DPYSL2: variants seen among roughly 807,000 people sequenced by gnomAD.
DPYSL2 encodes the protein dihydropyrimidinase like 2, also known as dihydropyrimidinase-related protein 2.
Under a neutral mutation model 69.9 loss-of-function variants are expected in DPYSL2, and 13 were observed. That is an observed-to-expected ratio of 0.19 (90% CI 0.12 to 0.30). DPYSL2 has a LOEUF of 0.30. Among genes scored for constraint, DPYSL2 ranks in the 10% least tolerant of loss-of-function variants. The probability of loss-of-function intolerance (pLI) is 1.00; values close to 1 mark genes in which losing one functional copy is unlikely to be tolerated. For synonymous variants in DPYSL2, 326 were observed against 359.1 expected, an observed-to-expected ratio of 0.91 and a Z score of 1.04; for missense variants, 587 against 918.9, an observed-to-expected ratio of 0.64 and a Z score of 4.67.
intron 3 of DPYSL2, among the ~76,000 whole-genome samples, chr8:26,592,595 C>T (rs138100271): frequency 1.6e-4 from 24 of 152,006 alleles, no homozygotes; most frequent in African/African-American, 5.8e-4. Context: ...CCTGTCTCAG[C>T]CTCTCAAGTA....
At position 26,517,758 on chromosome 8, in the gene DPYSL2, A is replaced by G. The variant is rs1208854189; in HGVS notation, c.354+3079A>G. On this transcript the variant is annotated intron_variant, in intron 1 of 13. Coordinates refer to ENST00000521913, the MANE Select transcript of DPYSL2 (RefSeq NM_001197293.3). This position sits in a 1 kb window ranked among gnomAD's most constrained non-coding sequence, Gnocchi z 4.2. Reference sequence around the variant, plus strand: ...ATGCAGGCTGGAGTGACAGGGAGTGATTCTCCTCCTCTCCAGGGCAGGTGC... The same window carrying G: ...ATGCAGGCTGGAGTGACAGGGAGTGGTTCTCCTCCTCTCCAGGGCAGGTGC... Among the ~76,000 whole-genome samples, 2 of 152,168 alleles carry G rather than the reference A, an allele frequency of 1.3e-5. No individual in the cohort carries two copies. Among genetic ancestry groups the G allele is most frequent in the African/African-American group, 2.4e-5 (1 of 41,440 alleles).
In DPYSL2 at chr8:26,619,221, A is replaced by G. The variant is rs952380098; in HGVS notation, c.629-4922A>G. 1.3e-5 allele frequency among the ~76,000 whole-genome samples: 2 copies of G among 152,144 alleles called. No homozygotes were observed. Among genetic ancestry groups the G allele is most frequent in the Non-Finnish European group, 2.9e-5 (2 of 68,022 alleles). ...TCAGTGGGGACTCTACTCCCTCCGGAAGTGAGTATGACATTCTGCCCTATT... is the reference window on the plus strand; with the variant it reads ...TCAGTGGGGACTCTACTCCCTCCGGGAGTGAGTATGACATTCTGCCCTATT... On this transcript the variant is annotated intron_variant, in intron 3 of 13. Transcript: ENST00000521913. The surrounding 1 kb of genome is among the most constrained non-coding windows in gnomAD (Gnocchi z 4.8).
chr8:26,572,533 C>G (rs1801254880), intron 1 of DPYSL2, among the ~76,000 whole-genome samples: 1 of 152,050 alleles, frequency 6.6e-6, no homozygotes, highest in African/African-American at 2.4e-5. Context: ...GGAATCTCGC[C>G]CTTTCACCCA....
chr8:26,603,182 AT>A (rs960177614), intron 3 of DPYSL2, among the ~76,000 whole-genome samples: 11 of 151,478 alleles, frequency 7.3e-5, no homozygotes, highest in African/African-American at 2.7e-4. Flanking sequence ...TATTTTTATT[AT>A]TTTTTTTGAG....
Position 26,652,342 on chromosome 8 carries a change from A to G in DPYSL2, c.1682A>G (p.Asp561Gly). 6.2e-7 allele frequency: 1 copy of G among 1,614,090 alleles called. No homozygotes were observed. The highest frequency in any genetic ancestry group is 8.5e-7 in the Non-Finnish European group (1 of 1,180,016). ...VISQGKIVLEDGTLHVTEGSG... is the reference protein window; with the variant it reads ...VISQGKIVLEGGTLHVTEGSG... ...AGCCAGGGGAAGATTGTCCTGGAGG[A>G]CGGCACCCTGCATGTCACCGAAGGC... is the stretch of plus-strand genomic sequence containing the variant. The change falls in exon 12 of 14, where the codon GAC becomes GGC. Residue 561 changes from aspartate to glycine, a missense_variant. By Grantham distance (94) the Asp-to-Gly change is moderately conservative. Around this residue, in one of 3 missense-constraint regions of DPYSL2, gnomAD observed 452 missense variants for 754.3 expected, o/e 0.60. Coordinates refer to ENST00000521913, the MANE Select transcript of DPYSL2 (RefSeq NM_001197293.3). This position sits in a 1 kb window ranked among gnomAD's most constrained non-coding sequence, Gnocchi z 6.3.
At position 26,621,547 on chromosome 8, in the gene DPYSL2, C is replaced by T. The variant is rs780351799; in HGVS notation, c.629-2596C>T. Among the ~76,000 whole-genome samples, 1 of 152,122 alleles carries T rather than the reference C, an allele frequency of 6.6e-6. No individual in the cohort carries two copies. Among genetic ancestry groups the T allele is most frequent in the African/African-American group, 2.4e-5 (1 of 41,426 alleles). ...TCATTTGGCTCTTCCCTGATCTAGG[C>T]GTTCAGTACCTGCTCAGAGGGAGTT... is the stretch of plus-strand genomic sequence containing the variant. On this transcript the variant is annotated intron_variant, in intron 3 of 13. Coordinates refer to ENST00000521913, the MANE Select transcript of DPYSL2 (RefSeq NM_001197293.3). This position sits in a 1 kb window ranked among gnomAD's most constrained non-coding sequence, Gnocchi z 4.9.
rs1803125702 is a variant in DPYSL2 at position 26,644,806 on chromosome 8, T to TC, written c.1425+716dup. On this transcript the variant is annotated intron_variant, in intron 10 of 13. Transcript: ENST00000521913. This position sits in a 1 kb window ranked among gnomAD's most constrained non-coding sequence, Gnocchi z 4.5. ...AGGGCTCTCTGGACTTAGCATGTCT[T>TC]CTACTGCCAGCTTCCAGTAGGCCTG... Among the ~76,000 whole-genome samples, 1 of 152,170 alleles carries TC rather than the reference T, an allele frequency of 6.6e-6. No homozygotes were observed. Among genetic ancestry groups the TC allele is most frequent in the Non-Finnish European group, 1.5e-5 (1 of 68,034 alleles).
In DPYSL2 at chr8:26,627,414, T is replaced by C; in HGVS notation, c.936+119T>C. 9.5e-7 allele frequency: 1 copy of C among 1,051,520 alleles called. No homozygotes were observed. The highest frequency in any genetic ancestry group is 1.4e-6 in the Non-Finnish European group (1 of 695,662). 65.1% of individuals were successfully genotyped at this position (1,051,520 alleles called of 1,614,324 possible). A position where few individuals can be genotyped will look rare whatever the true frequency, so the allele number is the denominator to read the frequency against. On this transcript the variant is annotated intron_variant, in intron 6 of 13. Transcript: ENST00000521913. This position sits in a 1 kb window ranked among gnomAD's most constrained non-coding sequence, Gnocchi z 6.9. ...GTGGAAAAGCAGAGGGACCTGGTGT[T>C]CCCTTGCTGGAGCTCTGCTCAGTCT...
In DPYSL2 at chr8:26,514,893, G is replaced by T. The variant is rs1271202484; in HGVS notation, c.354+214G>T. On this transcript the variant is annotated intron_variant, in intron 1 of 13. Coordinates refer to ENST00000521913, the MANE Select transcript of DPYSL2 (RefSeq NM_001197293.3). This position sits in a 1 kb window ranked among gnomAD's most constrained non-coding sequence, Gnocchi z 8.4. Reference sequence around the variant, plus strand: ...GGCCGTGCGCCCACAAAGGCTGCCCGCGTCTCCTTGAGCTTGAGAGGTGGG... The same window carrying T: ...GGCCGTGCGCCCACAAAGGCTGCCCTCGTCTCCTTGAGCTTGAGAGGTGGG... Among the ~76,000 whole-genome samples the T allele has an allele frequency of 6.6e-6, 1 of 152,172 alleles. No individual in the cohort carries two copies. The highest frequency in any genetic ancestry group is 1.9e-4 in the East Asian group (1 of 5,176).
chr8:26,645,816 C>G (rs1803150406), intron 10 of DPYSL2, among the ~76,000 whole-genome samples: 2 of 152,052 alleles, frequency 1.3e-5, no homozygotes, highest in African/African-American at 4.8e-5. Flanking sequence ...TCCCAAAGTG[C>G]TGGCATTACA....
intron 7 of DPYSL2, among the ~76,000 whole-genome samples, chr8:26,633,648 T>A (rs7821827): frequency 0.12 from 18,779 of 151,710 alleles, 2,023 homozygotes; most frequent in African/African-American, 0.29. Context: ...TTTTTTTTTT[T>A]AATTTTTAAT....
rs73227603 is a variant in DPYSL2 at position 26,619,340 on chromosome 8, T to C, written c.629-4803T>C. Among the ~76,000 whole-genome samples, 10,172 of 152,272 alleles carry C rather than the reference T, an allele frequency of 0.067. 390 individuals carry two copies. Among genetic ancestry groups the C allele is most frequent in the African/African-American group, 0.093 (3,854 of 41,536 alleles). On this transcript the variant is annotated intron_variant, in intron 3 of 13. Coordinates refer to ENST00000521913, the MANE Select transcript of DPYSL2 (RefSeq NM_001197293.3). The surrounding 1 kb of genome is among the most constrained non-coding windows in gnomAD (Gnocchi z 4.8). Reference sequence around the variant, plus strand: ...TTCATGGACACGTTTCTGAGTGTTATGAGCTCTTGAAGGAAGCATGTTTAT... The same window carrying C: ...TTCATGGACACGTTTCTGAGTGTTACGAGCTCTTGAAGGAAGCATGTTTAT...
At chr8:26,618,971 A>G (rs1279093706) in intron 3 of DPYSL2, among the ~76,000 whole-genome samples, 1 of 152,004 alleles carries the variant, frequency 6.6e-6, no homozygotes, top group Non-Finnish European at 1.5e-5. Flanking sequence ...AAGAAAAAAA[A>G]GAAAAGAAAA....
At chr8:26,526,826 T>A (rs1391665011) in intron 1 of DPYSL2, among the ~76,000 whole-genome samples, 2 of 152,356 alleles carry the variant, frequency 1.3e-5, no homozygotes, top group South Asian at 4.1e-4. Context: ...GGGGCGCCTC[T>A]GTCCAAGGGT....
intron 3 of DPYSL2, among the ~76,000 whole-genome samples, chr8:26,606,004 G>A (rs1012313964): frequency 4.6e-5 from 7 of 152,072 alleles, no homozygotes; most frequent in Non-Finnish European, 8.8e-5. Flanking sequence ...ATTCAAAAAG[G>A]TCATAATGAA....
intron 1 of DPYSL2, among the ~76,000 whole-genome samples, chr8:26,543,149 G>C (rs1345272449): frequency 6.6e-6 from 1 of 152,082 alleles, no homozygotes. Flanking sequence ...GAAACATAAA[G>C]CAACAGAGTA....
At chr8:26,552,230 C>T (rs1434133615) in intron 1 of DPYSL2, among the ~76,000 whole-genome samples, 2 of 152,128 alleles carry the variant, frequency 1.3e-5, no homozygotes, top group Non-Finnish European at 2.9e-5. Context: ...TTGTGGACCG[C>T]AGCAAAAACA....
chr8:26,566,634 G>C lies in DPYSL2; in HGVS notation c.355-15335G>C, dbSNP rs75406623. Among the ~76,000 whole-genome samples the C allele has an allele frequency of 1.9e-3, 292 of 152,210 alleles. 1 individual carries two copies. The highest frequency in any genetic ancestry group is 6.7e-3 in the African/African-American group (280 of 41,522). On this transcript the variant is annotated intron_variant, in intron 1 of 13. Transcript: ENST00000521913. ...GAAAGGAGTAGATGATGAGAAGAAA[G>C]AGAATGGAAAAGAAGACACCCACAG...
At chr8:26,622,227 TAAG>T (rs1219233590) in intron 3 of DPYSL2, among the ~76,000 whole-genome samples, 1 of 149,960 alleles carries the variant, frequency 6.7e-6, no homozygotes, top group Non-Finnish European at 1.5e-5. Flanking sequence ...ACATACAACT[TAAG>T]AAGAAAAATT....
Sources: gnomAD v4.1 joint callset for allele counts (sites outside exome capture counted in the v4.1 genomes callset) on GRCh38, gnomAD v4.1.1 for gene constraint, gnomAD v4.1.1 regional missense constraint, Gnocchi (gnomAD v3.1) non-coding constraint, MANE v1.5 for transcripts, NCBI Gene and HGNC (gene_info 2026-07-23, HGNC 2026-07-21) for gene names.